The following ATP6V1A variants were observed in gnomAD, a reference collection of about 807,000 sequenced individuals.
ATP6V1A encodes V-type proton ATPase catalytic subunit A.
In ATP6V1A, 18 loss-of-function variants were observed where a neutral mutation model predicts 70.1. The ratio of observed to expected loss-of-function variants is 0.26; its 90% CI spans 0.18 to 0.38. The LOEUF is 0.38. ATP6V1A is among the 10% of genes least tolerant of loss of function. ATP6V1A has a pLI of 1.00. For synonymous variants in ATP6V1A, 232 were observed against 253.8 expected, an observed-to-expected ratio of 0.91 and a Z score of 0.82; for missense variants, 424 against 772.4, an observed-to-expected ratio of 0.55 and a Z score of 5.35.
intron 2 of ATP6V1A, 85 bp from the exon 3 acceptor site, chr3:113,780,965 G>T: frequency 6.7e-7 from 1 of 1,486,378 alleles, no homozygotes; most frequent in East Asian, 2.3e-5. Context: ...CACAATACTG[G>T]GTTTATTGGG....
intron 1 of ATP6V1A, among the ~76,000 whole-genome samples, chr3:113,764,235 A>G (rs1417945967): frequency 1.3e-5 from 2 of 152,130 alleles, no homozygotes; most frequent in Non-Finnish European, 2.9e-5. Context: ...CTTGTCTCAA[A>G]AAAAAAAGAA....
chr3:113,750,566 T>A (rs1358017763), intron 1 of ATP6V1A, among the ~76,000 whole-genome samples: 1 of 152,220 alleles, frequency 6.6e-6, no homozygotes, highest in East Asian at 1.9e-4. Context: ...ATGAATTGAT[T>A]TCCCAGTCAT....
chr3:113,795,256 T>C (rs763453986), intron 10 of ATP6V1A, 52 bp downstream of exon 10: 1 of 1,552,582 alleles, frequency 6.4e-7, no homozygotes, highest in Non-Finnish European at 8.8e-7. Context: ...ACAGATGTAT[T>C]AAAGAGAGAA....
intron 14 of ATP6V1A, among the ~76,000 whole-genome samples, chr3:113,807,214 C>G (rs1436484021): frequency 1.5e-5 from 2 of 136,594 alleles, no homozygotes; most frequent in African/African-American, 2.7e-5. Context: ...GAGTCTTGCT[C>G]TGTTGTCCAG....
intron 1 of ATP6V1A, among the ~76,000 whole-genome samples, chr3:113,755,890 G>A (rs529220002): frequency 5.3e-5 from 8 of 152,108 alleles, no homozygotes; most frequent in East Asian, 1.9e-4. Flanking sequence ...TGAGTATTAC[G>A]TTGGAGATCT....
chr3:113,808,611 T>C (rs1220840506), intron 14 of ATP6V1A, among the ~76,000 whole-genome samples: 1 of 152,114 alleles, frequency 6.6e-6, no homozygotes, highest in East Asian at 1.9e-4. Context: ...TTTATACATA[T>C]TACTCAGTAA....
At chr3:113,808,040 G>A (rs1015336797) in intron 14 of ATP6V1A, among the ~76,000 whole-genome samples, 2 of 150,590 alleles carry the variant, frequency 1.3e-5, no homozygotes, top group Admixed American at 1.3e-4. Flanking sequence ...TGAGGCAGGA[G>A]AATCACTTAA....
chr3:113,808,290 T>C (rs1258435026), intron 14 of ATP6V1A, among the ~76,000 whole-genome samples: 3 of 137,896 alleles, frequency 2.2e-5, no homozygotes, highest in East Asian at 2.2e-4. Flanking sequence ...TCTGTCTCTT[T>C]TTTTTTTTTT....
Position 113,784,829 on chromosome 3 carries a change from C to A in ATP6V1A, c.560C>A (p.Thr187Asn). 1 of 1,613,902 alleles carries A rather than the reference C, an allele frequency of 6.2e-7. No homozygotes were observed. The highest frequency in any genetic ancestry group is 8.5e-7 in the Non-Finnish European group (1 of 1,179,876). The change falls in exon 5 of 15, where the codon ACC (threonine) becomes AAC (asparagine). Residue 187 changes from threonine (T) to asparagine (N), a missense_variant. Transcript: ENST00000273398. ...ATTGCTCCACCTGGGAATTATGATACCTCTGTAAGTATCATTTGAACTTTA... is the reference window on the plus strand; with the variant it reads ...ATTGCTCCACCTGGGAATTATGATAACTCTGTAAGTATCATTTGAACTTTA... ...TYIAPPGNYDTSDVVLELEFE... is the reference protein window; with the variant it reads ...TYIAPPGNYDNSDVVLELEFE...
At chr3:113,780,334 G>T (rs1417137516) in intron 2 of ATP6V1A, among the ~76,000 whole-genome samples, 2 of 152,108 alleles carry the variant, frequency 1.3e-5, no homozygotes. Flanking sequence ...TAAAAATATG[G>T]CAACCTTCCT....
At chr3:113,769,456 A>G (rs902579336) in intron 1 of ATP6V1A, among the ~76,000 whole-genome samples, 64 of 152,306 alleles carry the variant, frequency 4.2e-4, no homozygotes, top group African/African-American at 1.5e-3. Flanking sequence ...TGTTACATCA[A>G]AATAATGCTT....
chr3:113,806,467 T>C (rs1404347166), intron 14 of ATP6V1A, among the ~76,000 whole-genome samples: 5 of 149,082 alleles, frequency 3.4e-5, no homozygotes, highest in Admixed American at 6.7e-5. Context: ...TTTTTTAACT[T>C]TTTTTTTTTT....
At chr3:113,767,253 G>A (rs1243502662) in intron 1 of ATP6V1A, among the ~76,000 whole-genome samples, 10 of 151,758 alleles carry the variant, frequency 6.6e-5, no homozygotes, top group East Asian at 1.9e-4. Context: ...CGCCATGCCC[G>A]GCTAATTTTG....
At chr3:113,760,213 A>G (rs1708687481) in intron 1 of ATP6V1A, among the ~76,000 whole-genome samples, 2 of 152,232 alleles carry the variant, frequency 1.3e-5, no homozygotes, top group South Asian at 2.1e-4. Flanking sequence ...GACTATAGTC[A>G]TTATTTAAAT....
chr3:113,768,580 C>T lies in ATP6V1A; in HGVS notation c.-13-10161C>T, dbSNP rs139518053. ...AATCCCAAAGGAGAGTATTGTTTCTCATAGCCTGTATCTTTTTTTTTTTTT... is the reference window on the plus strand; with the variant it reads ...AATCCCAAAGGAGAGTATTGTTTCTTATAGCCTGTATCTTTTTTTTTTTTT... On this transcript the variant is annotated intron_variant, in intron 1 of 14. Coordinates refer to ENST00000273398, the MANE Select transcript of ATP6V1A (RefSeq NM_001690.4). Among the ~76,000 whole-genome samples the T allele has an allele frequency of 1.9e-3, 279 of 146,908 alleles. 1 individual carries two copies. Among genetic ancestry groups the T allele is most frequent in the African/African-American group, 6.7e-3 (271 of 40,386 alleles).
chr3:113,795,837 C>T, intron 10 of ATP6V1A, 39 bp from the exon 11 acceptor site: 1 of 1,505,878 alleles, frequency 6.6e-7, no homozygotes, highest in Non-Finnish European at 9.1e-7. Context: ...TTTCTAATGA[C>T]CATTTTTTTT....
chr3:113,795,314 C>A, intron 10 of ATP6V1A, 110 bp downstream of exon 10: 1 of 1,211,970 alleles, frequency 8.3e-7, no homozygotes, highest in Non-Finnish European at 1.1e-6. Context: ...CCGCTGGGAG[C>A]AGCGGTTCTT....
chr3:113,786,402 C>G lies in ATP6V1A; in HGVS notation c.716+19C>G. 2.5e-6 allele frequency: 4 copies of G among 1,610,712 alleles called. No homozygotes were observed. Among genetic ancestry groups the G allele is most frequent in the Non-Finnish European group, 3.4e-6 (4 of 1,178,012 alleles). On this transcript the variant is annotated intron_variant, in intron 6 of 14. Transcript: ENST00000273398. ...TTTTTCCGTAAGTTTGAGATGTGTC[C>G]CACGATTTTCCCTCAGAGTTATTAT... is the stretch of plus-strand genomic sequence containing the variant.
Position 113,794,882 on chromosome 3 carries a change from G to A in ATP6V1A, c.999G>A (p.Leu333=), listed in dbSNP as rs1313240784. 1.2e-6 allele frequency: 2 copies of A among 1,611,458 alleles called. No homozygotes were observed. The highest frequency in any genetic ancestry group is 2.2e-5 in the East Asian group (1 of 44,886). Residue 333 remains leucine (L), a synonymous_variant, in exon 9 of 15, where the codon CTG becomes CTA. Transcript: ENST00000273398. ...REASIYTGIT[L]SEYFRDMGYH... is the part of the protein sequence containing the mutation. Reference sequence around the variant, plus strand: ...TTCTTCCCAATTTAGGAATCACACTGTCAGAGTACTTCCGTGACATGGGCT... The same window carrying A: ...TTCTTCCCAATTTAGGAATCACACTATCAGAGTACTTCCGTGACATGGGCT...
Sources: allele counts gnomAD v4.1 joint callset (sites outside exome capture counted in the v4.1 genomes callset), GRCh38; gene constraint gnomAD v4.1.1; transcripts MANE v1.5; gene names NCBI Gene and HGNC (gene_info 2026-07-23, HGNC 2026-07-21).